ARL10: variants seen among roughly 807,000 people sequenced by gnomAD.
ARL10 encodes ARF like GTPase 10.
ARL10 carries 23 observed loss-of-function variants against 26.1 expected under a neutral mutation model. The ratio of observed to expected loss-of-function variants is 0.88; its 90% CI spans 0.63 to 1.25. The LOEUF (loss-of-function observed/expected upper bound fraction) is 1.25. Ranked by LOEUF, ARL10 falls within the 50% of genes most tolerant of loss-of-function variation. The pLI is 0.00. For missense variants in ARL10, 300 were observed against 323.6 expected, an observed-to-expected ratio of 0.93 and a Z score of 0.56; for synonymous variants, 138 against 149.1, an observed-to-expected ratio of 0.93 and a Z score of 0.54.
Position 176,368,641 on chromosome 5 carries a change from C to A in ARL10, c.386-166C>A, listed in dbSNP as rs1035420494. Among the ~76,000 whole-genome samples the A allele has an allele frequency of 7.3e-5, 11 of 151,022 alleles. No homozygotes were observed. Among genetic ancestry groups the A allele is most frequent in the Non-Finnish European group, 1.3e-4 (9 of 67,834 alleles). On this transcript the variant is annotated intron_variant, in intron 2 of 3. Transcript: ENST00000310389. The surrounding 1 kb of genome is among the most constrained non-coding windows in gnomAD (Gnocchi z 4.1). ...TTTCCTTGCCCCCGGCTGGTGGAAG[C>A]TCACTAAGCTAGAAGCAGGGTGGGG...
downstream of ARL10, chr5:176,386,779 C>A: frequency 7.0e-7 from 1 of 1,436,818 alleles, no homozygotes; most frequent in East Asian, 2.3e-5. Flanking sequence ...CATCTTAGGG[C>A]CCTTCCCAGC....
downstream of ARL10, among the ~76,000 whole-genome samples, chr5:176,383,604 G>A (rs190994492): frequency 2.4e-3 from 366 of 152,352 alleles, 1 homozygote; most frequent in African/African-American, 8.4e-3. Context: ...CAGAGGGCAG[G>A]CCAGGAGTTG....
chr5:176,398,571 G>C (rs1242365132), intron 1 of ARL10, among the ~76,000 whole-genome samples: 1 of 151,772 alleles, frequency 6.6e-6, no homozygotes, highest in East Asian at 2.0e-4. Context: ...AATTAGCCAG[G>C]CGTGGTGGTG....
chr5:176,389,073 C>A, downstream of ARL10: 1 of 1,463,200 alleles, frequency 6.8e-7, no homozygotes, highest in Non-Finnish European at 9.4e-7. Flanking sequence ...GGAAGGAGAG[C>A]GGACTAGAGA....
chr5:176,409,570 T>G, the ARL10 span, among the ~76,000 whole-genome samples: 2 of 152,030 alleles, frequency 1.3e-5, no homozygotes, highest in African/African-American at 4.8e-5. Context: ...CCTGCCACAA[T>G]GACTGGCTAA....
intron 1 of ARL10, among the ~76,000 whole-genome samples, chr5:176,397,325 G>C (rs1349270956): frequency 2.1e-5 from 3 of 141,160 alleles, no homozygotes; most frequent in East Asian, 4.2e-4. Flanking sequence ...TGTCCCCATA[G>C]CCCCTCTCAT....
downstream of ARL10, chr5:176,406,509 A>G (rs1581439863): frequency 1.6e-6 from 2 of 1,234,438 alleles, no homozygotes; most frequent in East Asian, 1.2e-4. Context: ...TGATTCCTCT[A>G]AGAAGCTAAA....
downstream of ARL10, chr5:176,392,647 TG>T: frequency 8.9e-7 from 1 of 1,119,100 alleles, no homozygotes; most frequent in Non-Finnish European, 1.3e-6. The surrounding 1 kb of genome is among the most constrained non-coding windows in gnomAD (Gnocchi z 5.2). Context: ...TCCCAGCGCC[TG>T]GAGATGGGGA....
At chr5:176,366,140 G>T (rs182330320) in intron 1 of ARL10, among the ~76,000 whole-genome samples, 1 of 152,324 alleles carries the variant, frequency 6.6e-6, no homozygotes, top group Admixed American at 6.5e-5. Context: ...ATCCCCTCCC[G>T]CCTGCGGTCG....
At chr5:176,404,890 C>T (rs1484320423), downstream of ARL10, among the ~76,000 whole-genome samples, 1 of 152,238 alleles carries the variant, frequency 6.6e-6, no homozygotes, top group East Asian at 1.9e-4. Context: ...CTGCCAGTGT[C>T]CCCTCACAGT....
downstream of ARL10, among the ~76,000 whole-genome samples, chr5:176,390,182 CAAAAAA>C (rs60632467): frequency 6.1e-5 from 4 of 65,226 alleles, no homozygotes; most frequent in South Asian, 5.8e-4. Flanking sequence ...AACTCCATCT[CAAAAAA>C]AAAAAAAAAA....
chr5:176,366,295 T>C, intron 1 of ARL10, 85 bp from the exon 2 acceptor site: 1 of 1,482,138 alleles, frequency 6.7e-7, no homozygotes, highest in South Asian at 1.3e-5. Context: ...AAGGCGGGCC[T>C]GGGCCCTCTG....
downstream of ARL10, among the ~76,000 whole-genome samples, chr5:176,405,334 TA>T (rs752628391): frequency 8.0e-5 from 12 of 150,700 alleles, no homozygotes; most frequent in East Asian, 1.8e-3. Flanking sequence ...ATAAAAAAAT[TA>T]AAAAATTAGC....
chr5:176,403,712 A>T (rs939149907), downstream of ARL10, among the ~76,000 whole-genome samples: 1 of 150,090 alleles, frequency 6.7e-6, no homozygotes, highest in Non-Finnish European at 1.5e-5. Context: ...TCAGCCTCCC[A>T]AAGTGCTGGG....
rs746901210 is a variant in ARL10 at position 176,373,196 on chromosome 5, G to C, written c.*1301G>C. 2 of 396,314 alleles carry C rather than the reference G, an allele frequency of 5.0e-6. No homozygotes were observed. Among genetic ancestry groups the C allele is most frequent in the African/African-American group, 2.1e-5 (1 of 48,608 alleles). The allele number at this position is 396,314 out of a possible 1,614,324, so 24.5% of individuals were successfully genotyped here. On this transcript the variant is annotated 3_prime_UTR_variant, in exon 4 of 4. Transcript: ENST00000310389. ...GACAGGAATAGCAGACCAGCCAACGGGATGGCCTTGGGTACATCACTCAGC... is the reference window on the plus strand; with the variant it reads ...GACAGGAATAGCAGACCAGCCAACGCGATGGCCTTGGGTACATCACTCAGC...
At chr5:176,386,059 A>G (rs1755821201), downstream of ARL10, 1 of 152,884 alleles carries the variant, frequency 6.5e-6, no homozygotes, top group Non-Finnish European at 1.5e-5. Context: ...TAATGGGTAT[A>G]GTTTCAGTTT....
At chr5:176,371,300 T>C (rs1037801052) in intron 3 of ARL10, among the ~76,000 whole-genome samples, 1 of 152,198 alleles carries the variant, frequency 6.6e-6, no homozygotes, top group Non-Finnish European at 1.5e-5. Context: ...GCTTCAGGAT[T>C]CCACCACAGG....
Position 176,381,721 on chromosome 5 carries a change from T to C in ARL10, c.*9826T>C, listed in dbSNP as rs1352130637. The C allele has an allele frequency of 6.6e-6, 1 of 152,208 alleles. No individual in the cohort carries two copies. The highest frequency in any genetic ancestry group is 1.5e-5 in the Non-Finnish European group (1 of 68,030). The allele number at this position is 152,208 out of a possible 1,614,324, so 9.4% of individuals were successfully genotyped here. A position where few individuals can be genotyped will look rare whatever the true frequency, so the allele number is the denominator to read the frequency against. ...CATTAAGTTAGGTTATAATTCACTA[T>C]GTACAGAGGCAGCTTTAGGCCAAAC... On this transcript the variant is annotated 3_prime_UTR_variant, in exon 4 of 4. Transcript: ENST00000310389.
At position 176,376,500 on chromosome 5, in the gene ARL10, T is replaced by C. The variant is rs2113562047; in HGVS notation, c.*4605T>C. On this transcript the variant is annotated 3_prime_UTR_variant, in exon 4 of 4. Coordinates refer to ENST00000310389, the MANE Select transcript of ARL10 (RefSeq NM_173664.6). ...GTTAAGTCACAAACCCAACAGGAAC[T>C]CCAGTTTCTTGCTAGAGCATTAGCC... The C allele has an allele frequency of 6.6e-6, 1 of 152,162 alleles. No homozygotes were observed. Among genetic ancestry groups the C allele is most frequent in the East Asian group, 1.9e-4 (1 of 5,170 alleles). The allele number at this position is 152,162 out of a possible 1,614,324, so 9.4% of individuals were successfully genotyped here.
Sources: allele counts gnomAD v4.1 joint callset (sites outside exome capture counted in the v4.1 genomes callset), GRCh38; gene constraint gnomAD v4.1.1; non-coding constraint Gnocchi (gnomAD v3.1); transcripts MANE v1.5; gene names NCBI Gene and HGNC (gene_info 2026-07-23, HGNC 2026-07-21).